C3orf20: variants seen among roughly 807,000 people sequenced by gnomAD.
C3orf20 encodes the protein uncharacterized protein C3orf20.
C3orf20 carries 76 observed loss-of-function variants against 88.3 expected under a neutral mutation model. The ratio of observed to expected loss-of-function variants is 0.86; its 90% confidence interval spans 0.72 to 1.04. C3orf20 has a LOEUF of 1.04. Ranked by LOEUF, C3orf20 falls within the 50% of genes least tolerant of loss-of-function variation. The pLI is 0.00. For missense variants in C3orf20, 1,056 were observed against 1,123.3 expected (o/e 0.94, Z 0.86); for synonymous variants, 436 against 437.4 (o/e 1.00, Z 0.04).
At position 14,729,250 on chromosome 3, in the gene C3orf20, T is replaced by C. The variant is rs2034460958; in HGVS notation, c.1940+562T>C. Among the ~76,000 whole-genome samples, 3 of 152,166 alleles carry C rather than the reference T, an allele frequency of 2.0e-5. No homozygotes were observed. In the South Asian group the frequency reaches 6.2e-4, roughly 32 times the overall value. On this transcript the variant is annotated intron_variant, in intron 12 of 16. Coordinates refer to ENST00000253697, the MANE Select transcript of C3orf20 (RefSeq NM_032137.5). ...GTGTGGGATGGGCTGTGGTAGAGGA[T>C]GAGGGAAGGCAGTTCTCAGGAGATT...
chr3:14,725,997 C>G (rs773557455), intron 10 of C3orf20, among the ~76,000 whole-genome samples: 2 of 152,114 alleles, frequency 1.3e-5, no homozygotes, highest in African/African-American at 2.4e-5. Context: ...AGAGAAAGAC[C>G]GAATATAAAT....
At chr3:14,703,312 C>T in intron 6 of C3orf20, 50 bp downstream of exon 6, 4 of 1,610,172 alleles carry the variant, frequency 2.5e-6, no homozygotes, top group Non-Finnish European at 1.7e-6. Flanking sequence ...CTCAGAAAGC[C>T]TGGCCCCCAG....
At chr3:14,721,867 C>A in intron 10 of C3orf20, 83 bp downstream of exon 10, 1 of 1,550,544 alleles carries the variant, frequency 6.4e-7, no homozygotes, top group Non-Finnish European at 8.8e-7. Context: ...AGGGCCTTTG[C>A]TCTTACTCCC....
At chr3:14,722,904 C>G (rs1286389343) in intron 10 of C3orf20, among the ~76,000 whole-genome samples, 1 of 152,110 alleles carries the variant, frequency 6.6e-6, no homozygotes, top group Non-Finnish European at 1.5e-5. Flanking sequence ...GAGTGTATAT[C>G]CCAAAAGAGA....
chr3:14,769,870 A>G (rs294625), intron 15 of C3orf20, among the ~76,000 whole-genome samples: 103,796 of 151,984 alleles, frequency 0.68, 36,063 homozygotes, highest in African/African-American at 0.8. Context: ...CTGTGAACTC[A>G]GGGCCTTCTA....
intron 13 of C3orf20, among the ~76,000 whole-genome samples, chr3:14,758,388 A>G (rs2035450158): frequency 6.6e-6 from 1 of 152,316 alleles, no homozygotes; most frequent in East Asian, 1.9e-4. Flanking sequence ...CTTCAGGCCC[A>G]TGGAACCCAC....
chr3:14,713,964 C>G, intron 7 of C3orf20, 43 bp from the exon 8 acceptor site: 1 of 1,610,248 alleles, frequency 6.2e-7, no homozygotes, highest in Non-Finnish European at 8.5e-7. Context: ...GAGAGCAGAA[C>G]CAGGGGAGTT....
intron 1 of C3orf20, among the ~76,000 whole-genome samples, chr3:14,681,224 C>T (rs1033956260): frequency 6.6e-5 from 10 of 152,184 alleles, no homozygotes; most frequent in African/African-American, 2.4e-4. Context: ...GGTGGGCACA[C>T]GAGCTCGTGG....
intron 7 of C3orf20, among the ~76,000 whole-genome samples, chr3:14,708,121 C>T (rs1354528163): frequency 6.6e-6 from 1 of 152,112 alleles, no homozygotes; most frequent in Non-Finnish European, 1.5e-5. Context: ...CGTGCCCGGC[C>T]CCCTGTGTTT....
chr3:14,735,512 ATTTACCGCTTG>A (rs2034676821), intron 12 of C3orf20, among the ~76,000 whole-genome samples: 1 of 151,986 alleles, frequency 6.6e-6, no homozygotes, highest in Non-Finnish European at 1.5e-5. Context: ...TACTTTGTCC[ATTTACCGCTTG>A]TTTTGCACTA....
chr3:14,704,295 G>C, intron 6 of C3orf20, 42 bp from the exon 7 acceptor site: 1 of 1,602,328 alleles, frequency 6.2e-7, no homozygotes, highest in Non-Finnish European at 8.5e-7. Context: ...TGGTGCTTGA[G>C]AACCAAAAGG....
intron 12 of C3orf20, among the ~76,000 whole-genome samples, chr3:14,755,818 A>G (rs1157141804): frequency 6.6e-6 from 1 of 152,106 alleles, no homozygotes; most frequent in Admixed American, 6.5e-5. Context: ...TCACGAGGTC[A>G]GGAGATCGAG....
chr3:14,761,061 T>C (rs965278683), intron 14 of C3orf20, among the ~76,000 whole-genome samples: 3 of 152,104 alleles, frequency 2.0e-5, no homozygotes, highest in Non-Finnish European at 4.4e-5. Context: ...TTCCATGGGA[T>C]AAGCTGAAAC....
chr3:14,689,338 C>T (rs1037373887), intron 4 of C3orf20, among the ~76,000 whole-genome samples: 2 of 152,094 alleles, frequency 1.3e-5, no homozygotes, highest in Non-Finnish European at 2.9e-5. Flanking sequence ...TCAAATTTGC[C>T]ATTTTCTTTT....
Position 14,682,599 on chromosome 3 carries a change from G to T in C3orf20, c.-115G>T. On this transcript the variant is annotated 5_prime_UTR_variant, in exon 3 of 17. Coordinates refer to ENST00000253697, the MANE Select transcript of C3orf20 (RefSeq NM_032137.5). ...ATAGGAACCACTGGCTCAATGACCT[G>T]TAAGGGCCGTTTCAGCACATCCATT... is the stretch of plus-strand genomic sequence containing the variant. 3 of 1,365,694 alleles carry T rather than the reference G, an allele frequency of 2.2e-6. No individual in the cohort carries two copies. The highest frequency in any genetic ancestry group is 2.8e-5 in the South Asian group (2 of 71,214). 84.6% of individuals were successfully genotyped at this position (1,365,694 alleles called of 1,614,324 possible).
chr3:14,723,633 T>C (rs1241691470), intron 10 of C3orf20, among the ~76,000 whole-genome samples: 2 of 152,182 alleles, frequency 1.3e-5, no homozygotes, highest in Non-Finnish European at 2.9e-5. Flanking sequence ...CACAGGTGCC[T>C]GTGAATCCGG....
At chr3:14,675,475 C>G (rs1306473488) in intron 1 of C3orf20, among the ~76,000 whole-genome samples, 1 of 149,592 alleles carries the variant, frequency 6.7e-6, no homozygotes, top group Non-Finnish European at 1.5e-5. Flanking sequence ...CTAGAAAATC[C>G]AAATGTTCAA....
intron 12 of C3orf20, among the ~76,000 whole-genome samples, chr3:14,754,868 G>A (rs2035317355): frequency 6.6e-6 from 1 of 152,040 alleles, no homozygotes; most frequent in Non-Finnish European, 1.5e-5. Flanking sequence ...GGGACCACAG[G>A]CATGTGCCAC....
At position 14,772,906 on chromosome 3, in the gene C3orf20, GC is replaced by G; in HGVS notation, c.*35del. The G allele has an allele frequency of 6.3e-7, 1 of 1,582,492 alleles. No homozygotes were observed. The highest frequency in any genetic ancestry group is 8.7e-7 in the Non-Finnish European group (1 of 1,152,364). The stretch of plus-strand genomic sequence containing the variant: ...TCCTGGCAGCAGCCAAGTGAGCCAG[GC>G]CCCGGCCCGGGGTGCTGGGGCTTCT... On this transcript the variant is annotated 3_prime_UTR_variant, in exon 17 of 17. Transcript: ENST00000253697. The surrounding 1 kb of genome is among the most constrained non-coding windows in gnomAD (Gnocchi z 4.2).
Sources: gnomAD v4.1 joint callset for allele counts (sites outside exome capture counted in the v4.1 genomes callset) on GRCh38, gnomAD v4.1.1 for gene constraint, Gnocchi (gnomAD v3.1) non-coding constraint, MANE v1.5 for transcripts, NCBI Gene and HGNC (gene_info 2026-07-23, HGNC 2026-07-21) for gene names.